The following TDRD1 variants were observed in gnomAD, a reference collection of about 807,000 sequenced individuals.
TDRD1 encodes the protein tudor domain containing 1.
In TDRD1, 37 loss-of-function variants were observed where a neutral mutation model predicts 140.6. The ratio of observed to expected loss-of-function variants is 0.26; its 90% CI spans 0.20 to 0.35. The LOEUF (loss-of-function observed/expected upper bound fraction) is 0.35, where lower values mean the gene tolerates loss of function less well. TDRD1 is among the 10% of genes least tolerant of loss of function. TDRD1 has a pLI of 1.00. For synonymous variants in TDRD1, 506 were observed against 475.7 expected, an observed-to-expected ratio of 1.06 and a Z score of -0.83; for missense variants, 1,243 against 1,393.0, an observed-to-expected ratio of 0.89 and a Z score of 1.71.
chr10:114,230,513 G>T (rs548842831), intron 25 of TDRD1, among the ~76,000 whole-genome samples: 3 of 152,258 alleles, frequency 2.0e-5, no homozygotes, highest in African/African-American at 7.2e-5. Flanking sequence ...GCTCAGAGAG[G>T]GTTACATGAC....
At chr10:114,175,942 C>G (rs1244005361), upstream of TDRD1, among the ~76,000 whole-genome samples, 1 of 152,088 alleles carries the variant, frequency 6.6e-6, no homozygotes, top group African/African-American at 2.4e-5. Flanking sequence ...CTGTTGCAAA[C>G]TGAATGTCAA....
intron 19 of TDRD1, 144 bp from the exon 20 acceptor site, chr10:114,221,213 G>GA (rs2036124262): frequency 4.3e-6 from 4 of 929,398 alleles, no homozygotes; most frequent in Non-Finnish European, 6.4e-6. Context: ...ATTGTTTTGT[G>GA]AAAAAATACA....
In TDRD1 at chr10:114,192,292, C is replaced by CTTTTTTTTTT. The variant is rs938140798; in HGVS notation, c.384+1293_384+1302dup. ...TCCCCAAAAAAGTTTGATAGTTTTCCTTTTTTTTTTTTTTTTTTTTTTTTT... is the reference window on the plus strand; with the variant it reads ...TCCCCAAAAAAGTTTGATAGTTTTCCTTTTTTTTTTTTTTTTTTTTTTTTTTTTTTTTTTT... On this transcript the variant is annotated intron_variant, in intron 3 of 25. Coordinates refer to ENST00000251864, the Ensembl canonical transcript of TDRD1. Among the ~76,000 whole-genome samples, 191 of 75,096 alleles carry CTTTTTTTTTT rather than the reference C, an allele frequency of 2.5e-3. 14 individuals are homozygous for CTTTTTTTTTT. Among genetic ancestry groups the CTTTTTTTTTT allele is most frequent in the Non-Finnish European group, 3.4e-3 (135 of 39,224 alleles). The allele number at this position is 75,096 out of a possible 152,430, so 49.3% of individuals were successfully genotyped here. A position where few individuals can be genotyped will look rare whatever the true frequency, so the allele number is the denominator to read the frequency against.
At chr10:114,225,009 A>T (rs2036352622) in intron 21 of TDRD1, among the ~76,000 whole-genome samples, 1 of 151,872 alleles carries the variant, frequency 6.6e-6, no homozygotes, top group Non-Finnish European at 1.5e-5. Context: ...CTCACTGCAG[A>T]CTCCCAGTGT....
chr10:114,188,171 C>G lies in TDRD1; in HGVS notation c.325+15C>G. On this transcript the variant is annotated intron_variant, in intron 2 of 25. Coordinates refer to ENST00000251864, the Ensembl canonical transcript of TDRD1. ...ATTGCCAGCAGGTGAGTGAAAACCA[C>G]AGGCTTCCTACTTCTTCATTCTCAT... is the stretch of plus-strand genomic sequence containing the variant. The G allele has an allele frequency of 6.4e-7, 1 of 1,552,014 alleles. No individual in the cohort carries two copies.
chr10:114,189,124 T>G (rs371970606), intron 2 of TDRD1, among the ~76,000 whole-genome samples: 3 of 152,228 alleles, frequency 2.0e-5, no homozygotes, highest in East Asian at 1.9e-4. Context: ...AGCGCCAACC[T>G]GAGTTTTTCA....
chr10:114,194,182 T>G (rs1244917692), intron 3 of TDRD1, among the ~76,000 whole-genome samples: 5 of 152,210 alleles, frequency 3.3e-5, no homozygotes, highest in African/African-American at 1.2e-4. Context: ...TTGTGTGGTT[T>G]GAGTATCAAG....
chr10:114,203,361 A>T (rs768043709), intron 7 of TDRD1, 27 bp from the exon 8 acceptor site: 37 of 1,553,464 alleles, frequency 2.4e-5, no homozygotes, highest in Non-Finnish European at 3.0e-5. Context: ...CTTATGAATT[A>T]TTCCTCTTTT....
At chr10:114,178,646 A>C (rs1447915567), upstream of TDRD1, among the ~76,000 whole-genome samples, 1 of 152,190 alleles carries the variant, frequency 6.6e-6, no homozygotes, top group African/African-American at 2.4e-5. Flanking sequence ...CACAGTGAAC[A>C]AACGTGGCTT....
chr10:114,197,168 T>G (rs986152303), intron 3 of TDRD1, among the ~76,000 whole-genome samples: 7 of 152,074 alleles, frequency 4.6e-5, no homozygotes, highest in Non-Finnish European at 8.8e-5. Context: ...TTTTGAGTAT[T>G]TCTCAGCCCT....
intron 3 of TDRD1, among the ~76,000 whole-genome samples, chr10:114,193,786 C>T (rs2034156681): frequency 6.6e-6 from 1 of 152,194 alleles, no homozygotes; most frequent in South Asian, 2.1e-4. Flanking sequence ...TGCCTTGTTT[C>T]TAATCTTAGG....
intron 1 of TDRD1, among the ~76,000 whole-genome samples, chr10:114,186,180 AATATTT>A (rs146532656): frequency 0.011 from 1,607 of 152,244 alleles, 20 homozygotes; most frequent in African/African-American, 0.037. Flanking sequence ...GAGTTACTCT[AATATTT>A]TAATGCACAT....
chr10:114,181,900 T>C (rs901649692), intron 1 of TDRD1, among the ~76,000 whole-genome samples: 1 of 151,846 alleles, frequency 6.6e-6, no homozygotes, highest in East Asian at 1.9e-4. Context: ...CCAGTTGTGG[T>C]GGCTGCCTAA....
At chr10:114,206,890 A>G (rs1014668529) in intron 11 of TDRD1, among the ~76,000 whole-genome samples, 3 of 152,212 alleles carry the variant, frequency 2.0e-5, no homozygotes, top group Non-Finnish European at 4.4e-5. Flanking sequence ...TGCTGGGATT[A>G]CAGGCGTGAG....
At chr10:114,203,531 G>A (rs2034900521) in exon 8 of TDRD1, 3 of 1,611,274 alleles carry the variant, frequency 1.9e-6, no homozygotes, top group South Asian at 1.1e-5. Context: ...TTCCTGTTAA[G>A]GGGGAAGTTT....
chr10:114,220,820 A>G (rs374465559), exon 19 of TDRD1: 2 of 1,611,790 alleles, frequency 1.2e-6, no homozygotes, highest in African/African-American at 2.7e-5. Flanking sequence ...CATGAGCTTC[A>G]AGTTCATGTA....
intron 25 of TDRD1, among the ~76,000 whole-genome samples, chr10:114,229,618 G>A (rs532559628): frequency 1.4e-3 from 202 of 139,334 alleles, no homozygotes; most frequent in Non-Finnish European, 2.5e-3. Context: ...GCGTGATCTC[G>A]GCTCACTGCA....
exon 10 of TDRD1, chr10:114,204,851 G>A (rs1391457038): frequency 6.3e-7 from 1 of 1,597,230 alleles, no homozygotes; most frequent in African/African-American, 1.3e-5. Context: ...CTTGGAAGAG[G>A]AAGTGGTTAC....
At chr10:114,200,977 CT>C (rs923600011) in intron 4 of TDRD1, among the ~76,000 whole-genome samples, 25 of 151,142 alleles carry the variant, frequency 1.7e-4, no homozygotes, top group African/African-American at 5.6e-4. Flanking sequence ...CTTCAGCCTC[CT>C]GAGTAGCTGG....
Sources: allele counts gnomAD v4.1 joint callset (sites outside exome capture counted in the v4.1 genomes callset), GRCh38; gene constraint gnomAD v4.1.1; transcripts MANE v1.5; gene names NCBI Gene and HGNC (gene_info 2026-07-23, HGNC 2026-07-21).